Variants in ARHGAP15 observed in about 807,000 individuals in gnomAD.
ARHGAP15 encodes the protein rho GTPase-activating protein 15.
In ARHGAP15, 51 loss-of-function variants were observed where a neutral mutation model predicts 63.7. The ratio of observed to expected loss-of-function variants is 0.80; its 90% CI spans 0.64 to 1.01. ARHGAP15 has a LOEUF of 1.01. ARHGAP15 is among the 50% of genes least tolerant of loss of function. ARHGAP15 has a pLI of 0.00. For missense variants in ARHGAP15, 560 were observed against 564.6 expected, an observed-to-expected ratio of 0.99 and a Z score of 0.08; for synonymous variants, 191 against 193.8, an observed-to-expected ratio of 0.99 and a Z score of 0.12.
At chr2:143,552,607 A>T (rs1340394486) in intron 10 of ARHGAP15, among the ~76,000 whole-genome samples, 4 of 152,146 alleles carry the variant, frequency 2.6e-5, no homozygotes, top group Non-Finnish European at 5.9e-5. Flanking sequence ...CCCCTACAGC[A>T]ATACCCAGTG....
At chr2:143,506,874 TAG>T (rs1693348282) in intron 9 of ARHGAP15, among the ~76,000 whole-genome samples, 1 of 139,122 alleles carries the variant, frequency 7.2e-6, no homozygotes, top group Non-Finnish European at 1.6e-5. Flanking sequence ...ATTGAAATAT[TAG>T]GGTATTTTCC....
chr2:143,382,079 T>TCCTTTCCTTCCTCCCTCCCTC (rs1687079404), intron 6 of ARHGAP15, among the ~76,000 whole-genome samples: 1 of 145,628 alleles, frequency 6.9e-6, no homozygotes, highest in African/African-American at 2.6e-5. Context: ...CTTCCTTCCT[T>TCCTTTCCTTCCTCCCTCCCTC]CCTTTCCTTC....
At chr2:143,235,594 A>T (rs997349387) in intron 5 of ARHGAP15, among the ~76,000 whole-genome samples, 1 of 152,218 alleles carries the variant, frequency 6.6e-6, no homozygotes, top group Non-Finnish European at 1.5e-5. Context: ...TTTAACAAAC[A>T]TATACTGAAC....
rs1465365695 is a variant in ARHGAP15 at position 143,201,855 on chromosome 2, C to G, written c.166-279C>G. ...TTTATTGAAGCAGGCATAAGGTCTGCCCAGGTTCACATGAGAGAACACAGA... is the reference window on the plus strand; with the variant it reads ...TTTATTGAAGCAGGCATAAGGTCTGGCCAGGTTCACATGAGAGAACACAGA... On this transcript the variant is annotated intron_variant, in intron 2 of 13. Transcript: ENST00000295095. Among the ~76,000 whole-genome samples the G allele has an allele frequency of 2.0e-5, 3 of 152,016 alleles. No individual in the cohort carries two copies. The East Asian group carries it at 5.8e-4, about 29-fold the overall frequency.
At chr2:143,653,028 C>T (rs569404276) in intron 12 of ARHGAP15, among the ~76,000 whole-genome samples, 5 of 152,054 alleles carry the variant, frequency 3.3e-5, no homozygotes, top group African/African-American at 7.2e-5. Flanking sequence ...AAATATGATG[C>T]TAGTTTTAGG....
intron 12 of ARHGAP15, among the ~76,000 whole-genome samples, chr2:143,679,612 T>C (rs1682997229): frequency 6.6e-6 from 1 of 151,918 alleles, no homozygotes; most frequent in South Asian, 2.1e-4. Flanking sequence ...TGTCCTTTTT[T>C]ATAGATGTTG....
At chr2:143,625,292 T>C (rs556469485) in intron 12 of ARHGAP15, among the ~76,000 whole-genome samples, 110 of 152,272 alleles carry the variant, frequency 7.2e-4, no homozygotes, top group African/African-American at 2.6e-3. Context: ...AGTGGAGATT[T>C]GGGGGTCCTG....
At chr2:143,621,403 T>C (rs750007136) in intron 11 of ARHGAP15, among the ~76,000 whole-genome samples, 7 of 152,164 alleles carry the variant, frequency 4.6e-5, no homozygotes, top group Non-Finnish European at 8.8e-5. Context: ...TGAGGACTGG[T>C]TGGCTTCATG....
chr2:143,559,947 T>A (rs1395140782), intron 11 of ARHGAP15, among the ~76,000 whole-genome samples: 2 of 152,254 alleles, frequency 1.3e-5, no homozygotes, highest in Admixed American at 6.5e-5. Flanking sequence ...GTTTATTTTC[T>A]AGAAGGCTCT....
At chr2:143,429,019 A>G (rs1689260062) in intron 6 of ARHGAP15, among the ~76,000 whole-genome samples, 1 of 152,098 alleles carries the variant, frequency 6.6e-6, no homozygotes, top group Non-Finnish European at 1.5e-5. Context: ...ATCTTTATAC[A>G]CCAACTGCTT....
intron 12 of ARHGAP15, among the ~76,000 whole-genome samples, chr2:143,671,720 C>T (rs1682535902): frequency 1.3e-5 from 2 of 152,110 alleles, no homozygotes; most frequent in African/African-American, 4.8e-5. Context: ...TCATGAAATC[C>T]AGTTACCCAT....
At chr2:143,542,689 A>AATATCACATATATAATATATAT (rs1214417011) in intron 10 of ARHGAP15, among the ~76,000 whole-genome samples, 3,703 of 125,522 alleles carry the variant, frequency 0.03, 411 homozygotes, top group Admixed American at 0.035. Context: ...TATGATATAT[A>AATATCACATATATAATATATAT]GTATCACATA....
At chr2:143,214,687 C>T (rs1428587924) in intron 3 of ARHGAP15, among the ~76,000 whole-genome samples, 5 of 152,144 alleles carry the variant, frequency 3.3e-5, no homozygotes. Flanking sequence ...ACTTTGCTAT[C>T]ATTTTCATAA....
chr2:143,434,153 CTGAT>C (rs771513463), intron 6 of ARHGAP15, among the ~76,000 whole-genome samples: 1 of 152,082 alleles, frequency 6.6e-6, no homozygotes, highest in Non-Finnish European at 1.5e-5. Flanking sequence ...GAGAGAAAGA[CTGAT>C]TGGCCTCAGT....
chr2:143,479,765 A>T lies in ARHGAP15; in HGVS notation c.704-7608A>T, dbSNP rs533436822. Among the ~76,000 whole-genome samples the T allele has an allele frequency of 1.4e-4, 22 of 152,248 alleles. No homozygotes were observed. The East Asian group carries it at 4.2e-3, about 29-fold the overall frequency. On this transcript the variant is annotated intron_variant, in intron 8 of 13. Coordinates refer to ENST00000295095, the MANE Select transcript of ARHGAP15 (RefSeq NM_018460.4). ...TATCTCATTTTGTTTTAAGGAAAAA[A>T]AAAATGTCATTGTGTTTCTCTACAT...
intron 5 of ARHGAP15, among the ~76,000 whole-genome samples, chr2:143,235,245 T>TTG (rs1553452232): frequency 3.0e-4 from 45 of 151,732 alleles, no homozygotes; most frequent in African/African-American, 9.4e-4. Context: ...TAGAGTTGTT[T>TTG]TTTTTTTTTT....
chr2:143,354,694 T>C (rs1225547105), intron 6 of ARHGAP15, among the ~76,000 whole-genome samples: 2 of 152,162 alleles, frequency 1.3e-5, no homozygotes, highest in African/African-American at 2.4e-5. Flanking sequence ...ATTAATATAA[T>C]ATGTAAAGTG....
chr2:143,407,245 ATC>A (rs930507224), intron 6 of ARHGAP15, among the ~76,000 whole-genome samples: 2 of 151,562 alleles, frequency 1.3e-5, no homozygotes, highest in Non-Finnish European at 3.0e-5. Context: ...ATTGATAGAT[ATC>A]TCTCTCTCTC....
intron 6 of ARHGAP15, among the ~76,000 whole-genome samples, chr2:143,321,932 C>A (rs987869570): frequency 6.6e-6 from 1 of 152,168 alleles, no homozygotes; most frequent in African/African-American, 2.4e-5. Flanking sequence ...CCTGCCTTGG[C>A]CACAATTATC....
Sources: allele counts gnomAD v4.1 joint callset (sites outside exome capture counted in the v4.1 genomes callset), GRCh38; gene constraint gnomAD v4.1.1; transcripts MANE v1.5; gene names NCBI Gene and HGNC (gene_info 2026-07-23, HGNC 2026-07-21).